TRIT1: variants seen among roughly 807,000 people sequenced by gnomAD.
TRIT1 encodes the protein tRNA isopentenyltransferase 1.
A neutral mutation model predicts 51.2 loss-of-function variants in TRIT1; 43 were observed. The ratio of observed to expected loss-of-function variants is 0.84; its 90% CI spans 0.66 to 1.08. The LOEUF (loss-of-function observed/expected upper bound fraction) is 1.08. Ranked by LOEUF, TRIT1 falls within the 50% of genes least tolerant of loss-of-function variation. The pLI is 0.00. For synonymous variants in TRIT1, 184 were observed against 203.9 expected, an observed-to-expected ratio of 0.90 and a Z score of 0.83; for missense variants, 528 against 578.4, an observed-to-expected ratio of 0.91 and a Z score of 0.89.
At position 39,841,856 on chromosome 1, in the gene TRIT1, G is replaced by C. The variant is rs1457207847; in HGVS notation, c.1292C>G (p.Ser431Ter). Reference sequence around the variant, plus strand: ...ACTTTCTATGGTGTTGACAGCATCTGAGTCCAATCTTCTTCTTTTCTTCAG... The same window carrying C: ...ACTTTCTATGGTGTTGACAGCATCTCAGTCCAATCTTCTTCTTTTCTTCAG... ...NQLKKRRRLD[S>*]DAVNTIESQS... The change falls in exon 11 of 11, where the codon TCA (serine) becomes TGA (stop). Residue 431 changes from serine to a stop codon, truncating the protein, a stop_gained. Transcript: ENST00000316891. LOFTEE classifies it low-confidence loss of function (END_TRUNC). 6.2e-7 allele frequency: 1 copy of C among 1,614,078 alleles called. No individual in the cohort carries two copies. The highest frequency in any genetic ancestry group is 1.7e-5 in the Admixed American group (1 of 60,008).
At chr1:39,869,353 C>G (rs984181769) in intron 1 of TRIT1, among the ~76,000 whole-genome samples, 2 of 152,236 alleles carry the variant, frequency 1.3e-5, no homozygotes, top group Non-Finnish European at 2.9e-5. Flanking sequence ...GATCTGCTAG[C>G]CTCGGCCTCC....
In TRIT1 at chr1:39,878,383, A is replaced by G. The variant is rs16826642; in HGVS notation, c.174+4935T>C. 8.9e-3 allele frequency among the ~76,000 whole-genome samples: 1,353 copies of G among 152,334 alleles called. 19 individuals are homozygous for G. Among genetic ancestry groups the G allele is most frequent in the African/African-American group, 0.031 (1,273 of 41,572 alleles). On this transcript the variant is annotated intron_variant, in intron 1 of 10. Coordinates refer to ENST00000316891, the MANE Select transcript of TRIT1 (RefSeq NM_017646.6). ...ACAAAAACAAATACTTTCTCTGGAT[A>G]GGAACTGCCCTGTAGGTGCTGTAGG... is the stretch of plus-strand genomic sequence containing the variant.
In TRIT1 at chr1:39,848,001, T is replaced by C. The variant is rs965050390; in HGVS notation, c.800A>G (p.Asn267Ser). The C allele has an allele frequency of 3.7e-6, 6 of 1,614,110 alleles. No individual in the cohort carries two copies. The highest frequency in any genetic ancestry group is 5.1e-6 in the Non-Finnish European group (6 of 1,179,990). ...RDFHRRYNQK[N>S]VSENSQDYQH... ...AAATCCTCACCTATTTTCCGAAACA[T>C]TCTTCTGATTATAGCGTCTGTGAAA... The change falls in exon 6 of 11, where the codon AAT becomes AGT. Residue 267 changes from asparagine (N) to serine (S), a missense_variant. Around this residue, in one of 3 missense-constraint regions of TRIT1, gnomAD observed 468 missense variants for 522.6 expected, o/e 0.90. Coordinates refer to ENST00000316891, the MANE Select transcript of TRIT1 (RefSeq NM_017646.6).
intron 1 of TRIT1, among the ~76,000 whole-genome samples, chr1:39,878,172 AAAAAAAGAAAAAG>A (rs1570141460): frequency 6.6e-6 from 1 of 152,184 alleles, no homozygotes; most frequent in African/African-American, 2.4e-5. Context: ...TGTCATAGAA[AAAAAAAGAAAAAG>A]AAAAAAGAAC....
rs182004579 is a variant in TRIT1, at chr1:39,876,692, C to T, written c.174+6626G>A. ...TTGTAATCACAGCACTTTGAGAGGC[C>T]GAGGCTGGCGGATCACCTGAGGTCA... On this transcript the variant is annotated intron_variant, in intron 1 of 10. Coordinates refer to ENST00000316891, the MANE Select transcript of TRIT1 (RefSeq NM_017646.6). 5.1e-3 allele frequency among the ~76,000 whole-genome samples: 767 copies of T among 151,866 alleles called. 1 individual carries two copies. The highest frequency in any genetic ancestry group is 8.3e-3 in the Non-Finnish European group (566 of 67,954).
rs1379134896 is a variant in TRIT1, at chr1:39,840,276, A to C, written c.*1468T>G. 9.2e-5 allele frequency among the ~76,000 whole-genome samples: 14 copies of C among 152,204 alleles called. No individual in the cohort carries two copies. The highest frequency in any genetic ancestry group is 4.4e-5 in the Non-Finnish European group (3 of 68,038). ...TATTTTTGAGATTCAAATCAGTTAA[A>C]AGTGGGTGAGGCTCTGGAATTCAGC... On this transcript the variant is annotated 3_prime_UTR_variant, in exon 11 of 11. Coordinates refer to ENST00000316891, the MANE Select transcript of TRIT1 (RefSeq NM_017646.6).
At chr1:39,845,692 CCTGT>C (rs1260355149) in intron 8 of TRIT1, among the ~76,000 whole-genome samples, 1 of 152,204 alleles carries the variant, frequency 6.6e-6, no homozygotes, top group African/African-American at 2.4e-5. Flanking sequence ...GCTTCTGTGC[CCTGT>C]CTAAGCACCT....
At chr1:39,868,283 C>T (rs1643661225) in intron 1 of TRIT1, among the ~76,000 whole-genome samples, 1 of 152,080 alleles carries the variant, frequency 6.6e-6, no homozygotes, top group African/African-American at 2.4e-5. Flanking sequence ...AAAAAATAAG[C>T]CACAGATTGG....
intron 1 of TRIT1, among the ~76,000 whole-genome samples, chr1:39,870,837 C>A (rs1643857053): frequency 6.6e-6 from 1 of 152,184 alleles, no homozygotes. Context: ...AAAACCTGTA[C>A]ATGAATGTTT....
chr1:39,865,680 A>G (rs1220373660), intron 1 of TRIT1, among the ~76,000 whole-genome samples: 3 of 147,866 alleles, frequency 2.0e-5, no homozygotes, highest in Non-Finnish European at 4.5e-5. Context: ...ACAAAAAAAA[A>G]AAAAAAAAAA....
At chr1:39,851,258 T>C (rs577064677) in intron 4 of TRIT1, among the ~76,000 whole-genome samples, 29 of 152,148 alleles carry the variant, frequency 1.9e-4, no homozygotes, top group Non-Finnish European at 3.5e-4. Flanking sequence ...GTCCTCATTC[T>C]CTAAATGAGA....
rs911982805 is a variant in TRIT1, at chr1:39,844,618, A to AG, written c.1028dup (p.Val344CysfsTer8). 6.2e-7 allele frequency: 1 copy of AG among 1,613,630 alleles called. No homozygotes were observed. The highest frequency in any genetic ancestry group is 8.5e-7 in the Non-Finnish European group (1 of 1,179,650). On this transcript the variant is annotated frameshift_variant, in exon 9 of 11. Coordinates refer to ENST00000316891, the MANE Select transcript of TRIT1 (RefSeq NM_017646.6). LOFTEE classifies it high-confidence loss of function. Reference sequence around the variant, plus strand: ...CATCAGATACCTCTAAGCCATAGACAGGGGGGACAATGGGACCAGGTCCTA... The same window carrying AG: ...CATCAGATACCTCTAAGCCATAGACAGGGGGGGACAATGGGACCAGGTCCTA...
At chr1:39,846,585 G>T (rs1169877072) in intron 8 of TRIT1, among the ~76,000 whole-genome samples, 1 of 152,092 alleles carries the variant, frequency 6.6e-6, no homozygotes, top group Non-Finnish European at 1.5e-5. Flanking sequence ...GTGATTTTTG[G>T]CAAGTTATTT....
chr1:39,874,656 T>A (rs1643988574), intron 1 of TRIT1, among the ~76,000 whole-genome samples: 1 of 151,924 alleles, frequency 6.6e-6, no homozygotes, highest in Admixed American at 6.6e-5. Context: ...AATAAGCATG[T>A]CTCATTTTTC....
intron 1 of TRIT1, among the ~76,000 whole-genome samples, chr1:39,857,993 T>G (rs1422478058): frequency 6.6e-6 from 1 of 152,228 alleles, no homozygotes; most frequent in African/African-American, 2.4e-5. Flanking sequence ...TCAAAATTAC[T>G]GCTTCAGGGG....
intron 1 of TRIT1, among the ~76,000 whole-genome samples, chr1:39,871,586 A>G (rs1328920210): frequency 6.6e-6 from 1 of 152,252 alleles, no homozygotes; most frequent in African/African-American, 2.4e-5. Flanking sequence ...TCTCCAATCA[A>G]TCAATCAATC....
chr1:39,842,453 G>C (rs1304533193), intron 10 of TRIT1, among the ~76,000 whole-genome samples: 5 of 152,196 alleles, frequency 3.3e-5, no homozygotes, highest in Admixed American at 3.3e-4. Context: ...CCCTGTGCCT[G>C]GGTCAAAAAG....
At position 39,839,847 on chromosome 1, in the gene TRIT1, T is replaced by C. The variant is rs1652495014; in HGVS notation, c.*1897A>G. On this transcript the variant is annotated 3_prime_UTR_variant, in exon 11 of 11. Coordinates refer to ENST00000316891, the MANE Select transcript of TRIT1 (RefSeq NM_017646.6). ...GGATTAAAAGCTTTTTGACGTACAA[T>C]TATTAAAACTAGTTTTTCCTGCTTG... 6.6e-6 allele frequency among the ~76,000 whole-genome samples: 1 copy of C among 152,198 alleles called. No homozygotes were observed. Among genetic ancestry groups the C allele is most frequent in the Admixed American group, 6.5e-5 (1 of 15,286 alleles).
chr1:39,868,298 A>C (rs919575158), intron 1 of TRIT1, among the ~76,000 whole-genome samples: 5 of 152,220 alleles, frequency 3.3e-5, no homozygotes, highest in Admixed American at 6.5e-5. Context: ...GATTGGGAGA[A>C]AATATTTGCG....
Sources: gnomAD v4.1 joint callset for allele counts (sites outside exome capture counted in the v4.1 genomes callset) on GRCh38, gnomAD v4.1.1 for gene constraint, gnomAD v4.1.1 regional missense constraint, MANE v1.5 for transcripts, NCBI Gene and HGNC (gene_info 2026-07-23, HGNC 2026-07-21) for gene names.